CBFA2T2: variants seen among roughly 807,000 people sequenced by gnomAD.
CBFA2T2 encodes protein CBFA2T2.
Under a neutral mutation model 62.2 loss-of-function variants are expected in CBFA2T2, and 11 were observed. That is an observed-to-expected ratio of 0.18 (90% CI 0.11 to 0.29). CBFA2T2 has a LOEUF of 0.29. Ranked by LOEUF, CBFA2T2 falls within the 10% of genes least tolerant of loss-of-function variation. CBFA2T2 has a pLI of 1.00. For missense variants in CBFA2T2, 592 were observed against 774.1 expected, an observed-to-expected ratio of 0.76 and a Z score of 2.79; for synonymous variants, 295 against 287.5, an observed-to-expected ratio of 1.03 and a Z score of -0.27.
At chr20:33,603,269 G>T (rs1366994048) in intron 1 of CBFA2T2, among the ~76,000 whole-genome samples, 6 of 152,166 alleles carry the variant, frequency 3.9e-5, no homozygotes, top group African/African-American at 1.4e-4. Flanking sequence ...CTATCACACA[G>T]AGAACTGTTT....
intron 1 of CBFA2T2, among the ~76,000 whole-genome samples, chr20:33,534,999 T>C (rs1042832218): frequency 1.3e-5 from 2 of 152,168 alleles, no homozygotes; most frequent in Admixed American, 6.5e-5. Context: ...CACTGATAGA[T>C]TTGCTTGACA....
chr20:33,527,592 C>CA (rs2011926259), intron 1 of CBFA2T2, among the ~76,000 whole-genome samples: 1 of 152,076 alleles, frequency 6.6e-6, no homozygotes, highest in South Asian at 2.1e-4. Context: ...AGGCTGGTCT[C>CA]AAACTCCTGA....
chr20:33,617,095 G>A (rs2015737283), intron 3 of CBFA2T2, among the ~76,000 whole-genome samples: 1 of 152,140 alleles, frequency 6.6e-6, no homozygotes, highest in African/African-American at 2.4e-5. Flanking sequence ...GCATGGCCAG[G>A]CACGGTGGCT....
At chr20:33,497,144 A>C (rs1379544608) in intron 1 of CBFA2T2, among the ~76,000 whole-genome samples, 1 of 151,972 alleles carries the variant, frequency 6.6e-6, no homozygotes, top group Non-Finnish European at 1.5e-5. Context: ...ATGGTGGTGC[A>C]TGCCTGTAGT....
intron 8 of CBFA2T2, among the ~76,000 whole-genome samples, chr20:33,633,333 T>C (rs1240171583): frequency 6.6e-6 from 1 of 151,318 alleles, no homozygotes; most frequent in Non-Finnish European, 1.5e-5. Context: ...GATCACACAC[T>C]GCACTCCAGC....
intron 7 of CBFA2T2, among the ~76,000 whole-genome samples, chr20:33,628,815 A>G (rs2016346653): frequency 6.6e-6 from 1 of 152,222 alleles, no homozygotes; most frequent in Non-Finnish European, 1.5e-5. Context: ...CTTGAAGTGA[A>G]CATAACCACA....
At chr20:33,554,600 CTTTTTTTTTTTTT>C (rs752877501) in intron 1 of CBFA2T2, among the ~76,000 whole-genome samples, 2 of 56,286 alleles carry the variant, frequency 3.6e-5, no homozygotes, top group South Asian at 5.9e-4. Flanking sequence ...TTTTTCTTTT[CTTTTTTTTTTTTT>C]TTTTTTTTTT....
At position 33,539,593 on chromosome 20, in the gene CBFA2T2, T is replaced by C. The variant is rs146589508; in HGVS notation, c.34+49292T>C. ...CTACCATAAATGTATTATAGGTCCC[T>C]AAAATAATTGGTTGATTGTATAGTT... On this transcript the variant is annotated intron_variant, in intron 1 of 10. Transcript: ENST00000342704. Among the ~76,000 whole-genome samples, 396 of 152,278 alleles carry C rather than the reference T, an allele frequency of 2.6e-3. 6 individuals are homozygous for C. Among genetic ancestry groups the C allele is most frequent in the African/African-American group, 9.2e-3 (383 of 41,566 alleles).
chr20:33,616,549 A>G (rs1435622200), intron 3 of CBFA2T2, among the ~76,000 whole-genome samples: 1 of 152,126 alleles, frequency 6.6e-6, no homozygotes. Context: ...CAACATGGCA[A>G]AATCCCATCT....
At chr20:33,583,053 C>T (rs1222739416) in intron 1 of CBFA2T2, among the ~76,000 whole-genome samples, 3 of 152,026 alleles carry the variant, frequency 2.0e-5, no homozygotes, top group Admixed American at 1.3e-4. Context: ...ATTTTATTTT[C>T]GTGAGTATAC....
chr20:33,517,648 TG>T (rs1318136717), intron 1 of CBFA2T2, among the ~76,000 whole-genome samples: 1 of 151,512 alleles, frequency 6.6e-6, no homozygotes, highest in Non-Finnish European at 1.5e-5. Flanking sequence ...AGGTTTGGTT[TG>T]GTTAGTAGAG....
At chr20:33,538,093 C>A (rs2012316351) in intron 1 of CBFA2T2, among the ~76,000 whole-genome samples, 1 of 151,006 alleles carries the variant, frequency 6.6e-6, no homozygotes, top group African/African-American at 2.4e-5. Flanking sequence ...AGGAGAGATA[C>A]AAATTAACAA....
intron 1 of CBFA2T2, among the ~76,000 whole-genome samples, chr20:33,523,632 T>C (rs1600927065): frequency 6.6e-6 from 1 of 152,150 alleles, no homozygotes; most frequent in Admixed American, 6.6e-5. Flanking sequence ...AAGCTAAGAT[T>C]GGAGAGTCTT....
intron 1 of CBFA2T2, among the ~76,000 whole-genome samples, chr20:33,495,526 A>T (rs1042711595): frequency 9.9e-5 from 15 of 151,902 alleles, no homozygotes; most frequent in African/African-American, 3.6e-4. Context: ...TCCCTACCAA[A>T]AAACGTACAA....
At chr20:33,512,273 C>G (rs188980657) in intron 1 of CBFA2T2, among the ~76,000 whole-genome samples, 2 of 152,138 alleles carry the variant, frequency 1.3e-5, no homozygotes, top group Non-Finnish European at 2.9e-5. Context: ...ACCACTTGAA[C>G]CTGGGAGGCA....
chr20:33,542,686 T>C (rs541046211), intron 1 of CBFA2T2, among the ~76,000 whole-genome samples: 27 of 152,002 alleles, frequency 1.8e-4, no homozygotes, highest in Non-Finnish European at 3.4e-4. Context: ...TTTTGGGGGG[T>C]TCAGGAACAG....
At position 33,556,356 on chromosome 20, in the gene CBFA2T2, A is replaced by T. The variant is rs574775839; in HGVS notation, c.35-50600A>T. On this transcript the variant is annotated intron_variant, in intron 1 of 10. Coordinates refer to ENST00000342704, the MANE Select transcript of CBFA2T2 (RefSeq NM_001032999.3). Reference sequence around the variant, plus strand: ...TTCAGGCTGGAATACTATAGAAGGGATGTATTCTCCTTAATGCCTCATTTA... The same window carrying T: ...TTCAGGCTGGAATACTATAGAAGGGTTGTATTCTCCTTAATGCCTCATTTA... Among the ~76,000 whole-genome samples the T allele has an allele frequency of 3.5e-4, 53 of 152,252 alleles. 1 individual carries two copies. The highest frequency in any genetic ancestry group is 1.3e-3 in the African/African-American group (52 of 41,554).
intron 1 of CBFA2T2, among the ~76,000 whole-genome samples, chr20:33,594,843 G>A (rs1025196713): frequency 1.3e-5 from 2 of 152,176 alleles, no homozygotes; most frequent in Admixed American, 1.3e-4. Context: ...GGTAGGGGTG[G>A]CTTCCATACA....
At chr20:33,553,982 A>G (rs1179002317) in intron 1 of CBFA2T2, among the ~76,000 whole-genome samples, 2 of 152,096 alleles carry the variant, frequency 1.3e-5, no homozygotes, top group African/African-American at 4.8e-5. Flanking sequence ...TAAGTAAAAC[A>G]TGATTCTTGA....
Sources: allele counts gnomAD v4.1 joint callset (sites outside exome capture counted in the v4.1 genomes callset), GRCh38; gene constraint gnomAD v4.1.1; transcripts MANE v1.5; gene names NCBI Gene and HGNC (gene_info 2026-07-23, HGNC 2026-07-21).